PDE6B: variants seen among roughly 807,000 people sequenced by gnomAD.
PDE6B encodes the protein phosphodiesterase 6B.
Under a neutral mutation model 109.0 loss-of-function variants are expected in PDE6B, and 106 were observed. The observed-to-expected ratio is 0.97, with a 90% confidence interval of 0.83 to 1.14. The LOEUF (loss-of-function observed/expected upper bound fraction) is 1.14, where lower values mean the gene tolerates loss of function less well. Ranked by LOEUF, PDE6B falls within the 50% of genes most tolerant of loss-of-function variation. The pLI, the probability that PDE6B is intolerant of heterozygous loss-of-function variation, is 0.00. For synonymous variants in PDE6B, 490 were observed against 471.3 expected, an observed-to-expected ratio of 1.04 and a Z score of -0.51; for missense variants, 1,193 against 1,155.6, an observed-to-expected ratio of 1.03 and a Z score of -0.47.
In PDE6B at chr4:652,527, C is replaced by T. The variant is rs1438962768; in HGVS notation, c.712-1325C>T. ...CGCGCTGTGTGGCGGCCACCACTGC[C>T]GTTAACCACAGTACACAGGGTGCTC... On this transcript the variant is annotated intron_variant, in intron 3 of 21. Coordinates refer to ENST00000496514, the MANE Select transcript of PDE6B (RefSeq NM_000283.4). The T allele has an allele frequency of 1.1e-4, 105 of 981,404 alleles. No individual in the cohort carries two copies. The South Asian group carries it at 4.3e-3, about 41-fold the overall frequency. 60.8% of individuals were successfully genotyped at this position (981,404 alleles called of 1,614,324 possible).
In PDE6B at chr4:626,040, C is replaced by G; in HGVS notation, c.414C>G (p.Val138=). The G allele has an allele frequency of 6.3e-7, 1 of 1,594,812 alleles. No individual in the cohort carries two copies. The highest frequency in any genetic ancestry group is 1.1e-5 in the South Asian group (1 of 88,058). ...TCGTCTTCCCACTGGACATCGGGGT[C>G]GTGGGCCACGTGGCTCAGACCAAAA... The part of the protein sequence containing the change: ...SEIVFPLDIG[V]VGHVAQTKKM... Residue 138 remains valine (V), a synonymous_variant, in exon 1 of 22, where the codon GTC becomes GTG. Coordinates refer to ENST00000496514, the MANE Select transcript of PDE6B (RefSeq NM_000283.4). This position sits in a 1 kb window ranked among gnomAD's most constrained non-coding sequence, Gnocchi z 4.6.
intron 3 of PDE6B, among the ~76,000 whole-genome samples, chr4:646,946 T>G (rs1735234915): frequency 6.6e-6 from 1 of 151,948 alleles, no homozygotes; most frequent in Admixed American, 6.5e-5. Flanking sequence ...CAGCCGCCGC[T>G]TCCTGGGTTC....
intron 3 of PDE6B, among the ~76,000 whole-genome samples, chr4:645,256 A>G (rs904012127): frequency 6.6e-6 from 1 of 151,422 alleles, no homozygotes; most frequent in Non-Finnish European, 1.5e-5. Flanking sequence ...ATCCGCTCTG[A>G]AAATCTGTCA....
chr4:665,038 GT>G lies in PDE6B; in HGVS notation c.2193+97del, dbSNP rs1737629254. 4.7e-6 allele frequency: 5 copies of G among 1,074,104 alleles called. No homozygotes were observed. In the Admixed American group the frequency reaches 8.9e-5, roughly 19 times the overall value. 66.5% of individuals were successfully genotyped at this position (1,074,104 alleles called of 1,614,324 possible). A position where few individuals can be genotyped will look rare whatever the true frequency, so the allele number is the denominator to read the frequency against. Reference sequence around the variant, plus strand: ...GAGCCTCGGATGGCAACGGACCATTGTTTGCAAGGAGCTCTGAGGGCCACCT... The same window carrying G: ...GAGCCTCGGATGGCAACGGACCATTGTTGCAAGGAGCTCTGAGGGCCACCT... On this transcript the variant is annotated intron_variant, in intron 18 of 21. Coordinates refer to ENST00000496514, the MANE Select transcript of PDE6B (RefSeq NM_000283.4). This position sits in a 1 kb window ranked among gnomAD's most constrained non-coding sequence, Gnocchi z 4.0.
At chr4:628,313 C>T (rs1734218486) in intron 1 of PDE6B, among the ~76,000 whole-genome samples, 2 of 152,194 alleles carry the variant, frequency 1.3e-5, no homozygotes, top group South Asian at 4.1e-4. Context: ...CCACTGCACC[C>T]TCTTTGGAGG....
At chr4:651,717 A>C (rs1379513521) in intron 3 of PDE6B, 2 of 149,832 alleles carry the variant, frequency 1.3e-5, no homozygotes, top group African/African-American at 5.1e-5. Flanking sequence ...GTCTCCATTC[A>C]GCAGGCGCCG....
intron 11 of PDE6B, among the ~76,000 whole-genome samples, chr4:660,036 T>C (rs1736876613): frequency 6.6e-6 from 1 of 152,166 alleles, no homozygotes; most frequent in Non-Finnish European, 1.5e-5. Context: ...TGCACGTGTG[T>C]GCCTGCATGT....
chr4:656,729 G>A, intron 8 of PDE6B, 145 bp from the exon 9 acceptor site: 1 of 712,338 alleles, frequency 1.4e-6, no homozygotes, highest in Non-Finnish European at 2.5e-6. Flanking sequence ...GAGAGGGAGA[G>A]AGGGAATGCA....
At chr4:668,471 ACCCC>A (rs1344673898) in intron 21 of PDE6B, among the ~76,000 whole-genome samples, 1,246 of 119,568 alleles carry the variant, frequency 0.01, 1 homozygote, top group African/African-American at 0.017. Flanking sequence ...TGCTCCCACT[ACCCC>A]ATGCTGCTCC....
At chr4:642,725 C>CAAAAAAAAAA (rs71636506) in intron 3 of PDE6B, among the ~76,000 whole-genome samples, 2,007 of 43,260 alleles carry the variant, frequency 0.046, 125 homozygotes, top group East Asian at 0.098. Flanking sequence ...GACACTGTCT[C>CAAAAAAAAAA]AAAAAAAAAA....
At chr4:650,682 G>A (rs1735461284) in intron 3 of PDE6B, among the ~76,000 whole-genome samples, 1 of 152,206 alleles carries the variant, frequency 6.6e-6, no homozygotes, top group Non-Finnish European at 1.5e-5. Context: ...CCGGCAGGGA[G>A]GGCTGGCGTC....
chr4:651,639 CCATT>C (rs949345255), intron 3 of PDE6B: 1 of 150,426 alleles, frequency 6.6e-6, no homozygotes, highest in African/African-American at 2.4e-5. Flanking sequence ...AGAGCCGTCT[CCATT>C]CAGCAGGCGC....
In PDE6B at chr4:654,804, C is replaced by CAGTGTCTTCTGCTTCTCAGGAA; in HGVS notation, c.928-18_931dup. 7.3e-7 allele frequency: 1 copy of CAGTGTCTTCTGCTTCTCAGGAA among 1,361,856 alleles called. No homozygotes were observed. The highest frequency in any genetic ancestry group is 1.1e-6 in the Non-Finnish European group (1 of 949,444). 84.4% of individuals were successfully genotyped at this position (1,361,856 alleles called of 1,614,324 possible). A position where few individuals can be genotyped will look rare whatever the true frequency, so the allele number is the denominator to read the frequency against. ...GAGCTTGGCCAGGCAGCCCCCCGAC[C>CAGTGTCTTCTGCTTCTCAGGAA]AGTGTCTTCTGCTTCTCAGGAAATT... On this transcript the variant is annotated intron_variant, in intron 5 of 21. Transcript: ENST00000496514.
At chr4:658,922 T>C in intron 10 of PDE6B, 30 bp from the exon 11 acceptor site, 2 of 1,570,942 alleles carry the variant, frequency 1.3e-6, no homozygotes, top group African/African-American at 2.7e-5. Context: ...GCGAAGCTCT[T>C]TCTCGTGACA....
chr4:645,519 T>A (rs184574581), intron 3 of PDE6B, among the ~76,000 whole-genome samples: 1,697 of 151,858 alleles, frequency 0.011, 45 homozygotes, highest in African/African-American at 0.038. Context: ...ATGGTCTCGA[T>A]CTCCTGACCT....
Position 663,178 on chromosome 4 carries a change from C to A in PDE6B, c.1911C>A (p.Leu637=), listed in dbSNP as rs369781800. ...RHHLEFGKFL[L]SEETLNIYQN... is the part of the protein sequence containing the mutation. The stretch of plus-strand genomic sequence containing the variant: ...ACCTGGAGTTTGGGAAGTTCCTGCT[C>A]TCGGAGGAGGTTGGTATACTCACCC... Residue 637 remains leucine, a synonymous_variant, in exon 15 of 22, where the codon CTC becomes CTA. Coordinates refer to ENST00000496514, the MANE Select transcript of PDE6B (RefSeq NM_000283.4). The surrounding 1 kb of genome is among the most constrained non-coding windows in gnomAD (Gnocchi z 4.0). 33 of 1,592,870 alleles carry A rather than the reference C, an allele frequency of 2.1e-5. No individual in the cohort carries two copies. Among genetic ancestry groups the A allele is most frequent in the Non-Finnish European group, 2.7e-5 (31 of 1,160,724 alleles).
intron 17 of PDE6B, 48 bp downstream of exon 17, chr4:664,269 C>A (rs761901092): frequency 9.8e-7 from 1 of 1,025,484 alleles, no homozygotes; most frequent in South Asian, 1.3e-5. Flanking sequence ...TCGCAGGGAC[C>A]GGGCCCACTC....
In PDE6B at chr4:663,896, C is replaced by T; in HGVS notation, c.2021+26C>T. 2 of 1,550,588 alleles carry T rather than the reference C, an allele frequency of 1.3e-6. No individual in the cohort carries two copies. The highest frequency in any genetic ancestry group is 1.8e-6 in the Non-Finnish European group (2 of 1,131,334). ...GTGCGCGCCTTCCGGGAGGGGGCGC[C>T]TCGCGGGGCGGGCGGGTAGCCTGGG... On this transcript the variant is annotated intron_variant, in intron 16 of 21. Coordinates refer to ENST00000496514, the MANE Select transcript of PDE6B (RefSeq NM_000283.4). This position sits in a 1 kb window ranked among gnomAD's most constrained non-coding sequence, Gnocchi z 4.0.
Position 670,177 on chromosome 4 carries a change from C to G in PDE6B, c.*70C>G. The G allele has an allele frequency of 6.2e-7, 1 of 1,608,516 alleles. No individual in the cohort carries two copies. Among genetic ancestry groups the G allele is most frequent in the East Asian group, 2.2e-5 (1 of 44,748 alleles). On this transcript the variant is annotated 3_prime_UTR_variant, in exon 22 of 22. Transcript: ENST00000496514. ...ACTAGGATTTGGGTTCTGCCTGTGG[C>G]TATTTGCTACAAGAGGTTAGGAAGC...
Sources: gnomAD v4.1 joint callset for allele counts (sites outside exome capture counted in the v4.1 genomes callset) on GRCh38, gnomAD v4.1.1 for gene constraint, Gnocchi (gnomAD v3.1) non-coding constraint, MANE v1.5 for transcripts, NCBI Gene and HGNC (gene_info 2026-07-23, HGNC 2026-07-21) for gene names.